The following NEB variants were observed in gnomAD, a reference collection of about 807,000 sequenced individuals.
The protein encoded by NEB is nebulin.
In NEB, 512 loss-of-function variants were observed where a neutral mutation model predicts 952.2. The ratio of observed to expected loss-of-function variants is 0.54; its 90% CI spans 0.50 to 0.58. The LOEUF (loss-of-function observed/expected upper bound fraction) is 0.58. Among genes scored for constraint, NEB ranks in the 20% least tolerant of loss-of-function variants. The probability of loss-of-function intolerance (pLI) is 0.00; values close to 1 mark genes in which losing one functional copy is unlikely to be tolerated. For missense variants in NEB, 8,428 were observed against 9,231.1 expected, an observed-to-expected ratio of 0.91 and a Z score of 3.56; for synonymous variants, 2,900 against 3,149.8, an observed-to-expected ratio of 0.92 and a Z score of 2.66.
In NEB at chr2:151,514,316, A is replaced by G. The variant is rs112610938; in HGVS notation, c.23127+2T>C. 1.9e-6 allele frequency: 3 copies of G among 1,595,672 alleles called. No individual in the cohort carries two copies. The highest frequency in any genetic ancestry group is 1.3e-5 in the African/African-American group (1 of 74,540). On this transcript the variant is annotated splice_donor_variant, in intron 159 of 181. Transcript: ENST00000397345. LOFTEE classifies it high-confidence loss of function. Reference sequence around the variant, plus strand: ...CGTGCAGGCAGTCAGCTGTGGGCCTACCTCATTGAGGATTTGAGTGGCATT... The same window carrying G: ...CGTGCAGGCAGTCAGCTGTGGGCCTGCCTCATTGAGGATTTGAGTGGCATT...
rs1397887930 is a variant in NEB at position 151,610,779 on chromosome 2, A to C, written c.11893T>G (p.Ser3965Ala). 1.2e-6 allele frequency: 2 copies of C among 1,609,164 alleles called. No individual in the cohort carries two copies. The highest frequency in any genetic ancestry group is 1.7e-6 in the Non-Finnish European group (2 of 1,177,372). ...TPDILLAKSNSANISQKLYTK... is the reference protein window; with the variant it reads ...TPDILLAKSNAANISQKLYTK... ...TCTCTTACTTGGCTGATATTGGCAGAATTACTCTTGGCCAGCAGGATATCT... is the reference window on the plus strand; with the variant it reads ...TCTCTTACTTGGCTGATATTGGCAGCATTACTCTTGGCCAGCAGGATATCT... The change falls in exon 79 of 182, where the codon TCT becomes GCT. Residue 3965 changes from serine (S) to alanine (A), a missense_variant. Physicochemically the swap from Ser to Ala is moderately conservative, Grantham distance 99. Coordinates refer to ENST00000397345, the MANE Select transcript of NEB (RefSeq NM_001164508.2).
chr2:151,558,032 G>C (rs1347428789), intron 124 of NEB, among the ~76,000 whole-genome samples: 1 of 152,170 alleles, frequency 6.6e-6, no homozygotes, highest in Non-Finnish European at 1.5e-5. Context: ...AATGAGGCAA[G>C]AGAAAGAAAT....
intron 128 of NEB, 139 bp from the exon 129 acceptor site, chr2:151,551,984 A>G: frequency 1.6e-6 from 1 of 618,580 alleles, no homozygotes; most frequent in South Asian, 2.1e-5. Context: ...ACAGGATCAG[A>G]GCCAGCGTGT....
At position 151,499,298 on chromosome 2, in the gene NEB, C is replaced by T. The variant is rs781581005; in HGVS notation, c.24114G>A (p.Ser8038=). 19 of 1,448,378 alleles carry T rather than the reference C, an allele frequency of 1.3e-5. No individual in the cohort carries two copies. The highest frequency in any genetic ancestry group is 1.5e-5 in the Non-Finnish European group (16 of 1,074,328). The allele number at this position is 1,448,378 out of a possible 1,614,324, so 89.7% of individuals were successfully genotyped here. A position where few individuals can be genotyped will look rare whatever the true frequency, so the allele number is the denominator to read the frequency against. ...AAAGGGATTTTTTATTTTTAAATAC[C>T]GAACTAAAGTTTTCTTGATTGTGTT... ...RVKHNQENFS[S]VLYKENLGTG... is the part of the protein sequence containing the mutation. The change falls in exon 169 of 182, where the codon TCG becomes TCA. Residue 8038 remains serine, a splice_region_variant and synonymous_variant. Coordinates refer to ENST00000397345, the MANE Select transcript of NEB (RefSeq NM_001164508.2).
At chr2:151,715,692 C>G (rs559669058) in intron 10 of NEB, among the ~76,000 whole-genome samples, 1 of 152,334 alleles carries the variant, frequency 6.6e-6, no homozygotes, top group Admixed American at 6.5e-5. Context: ...TCCCAGCCTC[C>G]AGAACTGTGA....
Position 151,535,843 on chromosome 2 carries a change from TAAGA to T in NEB, c.21208-52_21208-49del, listed in dbSNP as rs776179499. 6 of 987,774 alleles carry T rather than the reference TAAGA, an allele frequency of 6.1e-6. No homozygotes were observed. In the East Asian group the frequency reaches 1.5e-4, roughly 25 times the overall value. 61.2% of individuals were successfully genotyped at this position (987,774 alleles called of 1,614,324 possible). ...ACTTGACAGCAGGCTATGATTATCTTAAGAATGAGACATGCTGTTTATCATATGA... is the reference window on the plus strand; with the variant it reads ...ACTTGACAGCAGGCTATGATTATCTTATGAGACATGCTGTTTATCATATGA... On this transcript the variant is annotated intron_variant, in intron 141 of 181. Coordinates refer to ENST00000397345, the MANE Select transcript of NEB (RefSeq NM_001164508.2).
In NEB at chr2:151,563,828, T is replaced by C. The variant is rs749021345; in HGVS notation, c.18574A>G (p.Ser6192Gly). The C allele has an allele frequency of 1.9e-6, 3 of 1,613,398 alleles. No homozygotes were observed. The highest frequency in any genetic ancestry group is 1.7e-6 in the Non-Finnish European group (2 of 1,179,516). The change falls in exon 118 of 182, where the codon AGT becomes GGT. Residue 6192 changes from serine (S) to glycine (G), a missense_variant. By Grantham distance (56) the Ser-to-Gly change is moderately conservative. Around this residue, in one of 11 missense-constraint regions of NEB, gnomAD observed 3,374 missense variants for 3,651.5 expected, o/e 0.92. Coordinates refer to ENST00000397345, the MANE Select transcript of NEB (RefSeq NM_001164508.2). ...VGAKHADLVN[S>G]ELKYKETYEK... ...GAGGAAAAGGTCATACTGACCTCAC[T>C]GTTCACCAGATCAGCATGCTTGGCT...
At chr2:151,579,176 G>T (rs907252189) in intron 105 of NEB, among the ~76,000 whole-genome samples, 162 bp downstream of exon 105, 2 of 130,982 alleles carry the variant, frequency 1.5e-5, no homozygotes. Context: ...CTTTAACAAT[G>T]AAAACTTTCT....
intron 51 of NEB, 81 bp from the exon 52 acceptor site, chr2:151,654,180 A>T: frequency 1.3e-6 from 1 of 765,532 alleles, no homozygotes; most frequent in Non-Finnish European, 2.0e-6. Flanking sequence ...GTTTACCTAC[A>T]GAGTGAATAT....
chr2:151,522,845 G>A (rs922453462), intron 153 of NEB, among the ~76,000 whole-genome samples: 9 of 152,166 alleles, frequency 5.9e-5, no homozygotes, highest in East Asian at 5.8e-4. Context: ...CCTAGAGTAC[G>A]CAGCAAGACA....
At chr2:151,617,820 G>A (rs1288709872) in intron 74 of NEB, among the ~76,000 whole-genome samples, 3 of 151,776 alleles carry the variant, frequency 2.0e-5, no homozygotes, top group East Asian at 1.9e-4. Flanking sequence ...CCAGCACTTT[G>A]GGAGGCCGAG....
At chr2:151,508,252 G>A (rs2070917764) in intron 161 of NEB, 143 bp from the exon 162 acceptor site, 1 of 539,038 alleles carries the variant, frequency 1.9e-6, no homozygotes. Context: ...GGATGTTAGG[G>A]CATCGCAAGG....
rs1356931194 is a variant in NEB at position 151,554,120 on chromosome 2, C to T, written c.19429-95G>A. On this transcript the variant is annotated intron_variant, in intron 125 of 181. Coordinates refer to ENST00000397345, the MANE Select transcript of NEB (RefSeq NM_001164508.2). ...GTCAGGCTAACCAACTCACAGCGAA[C>T]AGTTGGGGGCAGGGCAGTGACTGGT... 3.7e-6 allele frequency: 4 copies of T among 1,091,380 alleles called. No individual in the cohort carries two copies. In the African/African-American group the frequency reaches 6.2e-5, roughly 17 times the overall value. The allele number at this position is 1,091,380 out of a possible 1,614,324, so 67.6% of individuals were successfully genotyped here.
chr2:151,561,594 A>G, intron 121 of NEB, among the ~76,000 whole-genome samples: 1 of 144,012 alleles, frequency 6.9e-6, no homozygotes, highest in African/African-American at 2.6e-5. Context: ...TTTGGTTTCG[A>G]ACACTTTTTT....
chr2:151,612,386 T>C lies in NEB; in HGVS notation c.11605A>G (p.Ile3869Val), dbSNP rs1420839257. Reference protein sequence around the residue: ...RKAYDLQSDAIYKSDLEWLRG... With the variant: ...RKAYDLQSDAVYKSDLEWLRG... ...AGCCACTCAAGATCAGATTTGTAAA[T>C]AGCCTGAAAATGAAATAATGTCAAA... The change falls in exon 78 of 182, where the codon ATT (isoleucine) becomes GTT (valine). Residue 3869 changes from isoleucine to valine, a missense_variant. Ile to Val is a conservative substitution (Grantham distance 29, BLOSUM62 3). Around this residue, in one of 11 missense-constraint regions of NEB, gnomAD observed 337 missense variants for 297.5 expected, o/e 1.13. Coordinates refer to ENST00000397345, the MANE Select transcript of NEB (RefSeq NM_001164508.2). 4 of 1,613,214 alleles carry C rather than the reference T, an allele frequency of 2.5e-6. No individual in the cohort carries two copies. The highest frequency in any genetic ancestry group is 3.4e-6 in the Non-Finnish European group (4 of 1,179,368).
chr2:151,705,938 G>A (rs185755655), intron 13 of NEB, among the ~76,000 whole-genome samples: 7 of 152,316 alleles, frequency 4.6e-5, no homozygotes, highest in Non-Finnish European at 8.8e-5. Flanking sequence ...TGGGGTGGGA[G>A]TGAGGGAGTA....
intron 141 of NEB, among the ~76,000 whole-genome samples, chr2:151,536,904 G>C (rs765904693): frequency 6.6e-6 from 1 of 152,116 alleles, no homozygotes; most frequent in African/African-American, 2.4e-5. Flanking sequence ...AGAATCATGA[G>C]GGGTTGAACA....
chr2:151,568,067 T>C lies in NEB; in HGVS notation c.17844+4A>G. The C allele has an allele frequency of 6.2e-7, 1 of 1,610,820 alleles. No homozygotes were observed. The highest frequency in any genetic ancestry group is 8.5e-7 in the Non-Finnish European group (1 of 1,177,672). On this transcript the variant is annotated splice_donor_region_variant and intron_variant, in intron 113 of 181. Coordinates refer to ENST00000397345, the MANE Select transcript of NEB (RefSeq NM_001164508.2). ...CAAAATGCACTCCCATCAGGATGTA[T>C]TACCTCACTCTGAACGTCATTGCAG...
At chr2:151,514,980 A>G (rs2153323864) in intron 157 of NEB, 52 bp from the exon 158 acceptor site, 1 of 1,135,252 alleles carries the variant, frequency 8.8e-7, no homozygotes, top group Non-Finnish European at 1.3e-6. Context: ...TTATTACAAT[A>G]TATCTCTCCA....
Sources: allele counts gnomAD v4.1 joint callset (sites outside exome capture counted in the v4.1 genomes callset), GRCh38; gene constraint gnomAD v4.1.1; regional missense constraint gnomAD v4.1.1; transcripts MANE v1.5; gene names NCBI Gene and HGNC (gene_info 2026-07-23, HGNC 2026-07-21).